The following NBAS variants were observed in gnomAD, a reference collection of about 807,000 sequenced individuals.
The protein encoded by NBAS is NBAS subunit of NRZ tethering complex.
In NBAS, 219 loss-of-function variants were observed where a neutral mutation model predicts 302.5. The observed-to-expected ratio is 0.72, with a 90% CI of 0.65 to 0.81. NBAS has a LOEUF of 0.81. NBAS is among the 30% of genes least tolerant of loss of function. NBAS has a pLI of 0.00. For missense variants in NBAS, 2,932 were observed against 2,841.6 expected, an observed-to-expected ratio of 1.03 and a Z score of -0.72; for synonymous variants, 1,118 against 1,021.6, an observed-to-expected ratio of 1.09 and a Z score of -1.80.
At chr2:15,197,416 C>T (rs1329508342) in intron 48 of NBAS, among the ~76,000 whole-genome samples, 1 of 152,180 alleles carries the variant, frequency 6.6e-6, no homozygotes, top group Non-Finnish European at 1.5e-5. Flanking sequence ...GTAATTTGTG[C>T]TGATGACGTC....
chr2:15,106,451 G>GTCTCTCTCTCCC, the NBAS span, among the ~76,000 whole-genome samples: 1 of 147,858 alleles, frequency 6.8e-6, no homozygotes, highest in African/African-American at 2.5e-5. Context: ...CTCTGTCTCT[G>GTCTCTCTCTCCC]TCTCTCTCTC....
chr2:15,404,676 C>T (rs566676004), intron 25 of NBAS, among the ~76,000 whole-genome samples: 12 of 151,908 alleles, frequency 7.9e-5, no homozygotes, highest in African/African-American at 2.9e-4. Context: ...TCACATCTGG[C>T]TAATTTTTGT....
chr2:15,091,440 C>A, the NBAS span, among the ~76,000 whole-genome samples: 1 of 152,178 alleles, frequency 6.6e-6, no homozygotes, highest in Admixed American at 6.5e-5. Flanking sequence ...TCCACTTCCA[C>A]CTAATGAATG....
intron 48 of NBAS, among the ~76,000 whole-genome samples, chr2:15,196,645 A>G (rs1485950875): frequency 6.6e-6 from 1 of 152,204 alleles, no homozygotes; most frequent in African/African-American, 2.4e-5. Flanking sequence ...ATTTGAGGGG[A>G]AAAATCCCTA....
At chr2:14,918,014 G>A in the NBAS span, among the ~76,000 whole-genome samples, 4 of 152,052 alleles carry the variant, frequency 2.6e-5, no homozygotes, top group African/African-American at 7.2e-5. Flanking sequence ...TTTTTAACTC[G>A]CAGCATCCAA....
intron 36 of NBAS, 55 bp downstream of exon 36, chr2:15,330,542 TA>T: frequency 6.2e-7 from 1 of 1,603,468 alleles, no homozygotes; most frequent in African/African-American, 1.3e-5. Flanking sequence ...GAAACATTGC[TA>T]ATGAATTTAT....
At chr2:15,057,433 A>T in the NBAS span, among the ~76,000 whole-genome samples, 1 of 151,652 alleles carries the variant, frequency 6.6e-6, no homozygotes. Context: ...GGCAATTTTT[A>T]AAAATTTATT....
chr2:15,411,236 G>T (rs1676671858), intron 25 of NBAS, among the ~76,000 whole-genome samples: 1 of 152,028 alleles, frequency 6.6e-6, no homozygotes, highest in Non-Finnish European at 1.5e-5. Flanking sequence ...TCATTTTAAA[G>T]ACTTCACCTT....
chr2:15,524,862 C>G (rs919493240), intron 9 of NBAS, among the ~76,000 whole-genome samples: 6 of 151,890 alleles, frequency 4.0e-5, no homozygotes, highest in Non-Finnish European at 8.8e-5. Context: ...AGCCATTGGC[C>G]TGGCACAGAA....
the NBAS span, among the ~76,000 whole-genome samples, chr2:15,145,401 ATGTG>A: frequency 0.34 from 50,431 of 148,060 alleles, 9,050 homozygotes; most frequent in African/African-American, 0.47. Flanking sequence ...GTTTGTTTGT[ATGTG>A]TGTGTGTGTG....
chr2:15,561,294 G>A lies in NBAS; in HGVS notation c.11C>T (p.Pro4Leu), dbSNP rs1382038955. Residue 4 changes from proline (P) to leucine (L), a missense_variant, in exon 1 of 52, where the codon CCC (proline) becomes CTC (leucine). By Grantham distance (98) the Pro-to-Leu change is moderately conservative. Transcript: ENST00000281513. ...TGGACTCAAAGCCGGCCCTGACTCG[G>A]GGGCCGCCATGTTCGCCGAGGACTC... MAA[P>L]ESGPALSPGT... is the part of the protein sequence containing the mutation. The A allele has an allele frequency of 1.9e-6, 3 of 1,613,026 alleles. No homozygotes were observed. Among genetic ancestry groups the A allele is most frequent in the African/African-American group, 2.7e-5 (2 of 74,914 alleles).
intron 44 of NBAS, among the ~76,000 whole-genome samples, chr2:15,264,091 C>G (rs1328352055): frequency 6.6e-6 from 1 of 152,138 alleles, no homozygotes; most frequent in Non-Finnish European, 1.5e-5. Context: ...AATGGAAGAG[C>G]AAAGGGAGTC....
At chr2:15,198,132 A>G (rs966023015) in intron 48 of NBAS, among the ~76,000 whole-genome samples, 2 of 152,226 alleles carry the variant, frequency 1.3e-5, no homozygotes, top group African/African-American at 4.8e-5. Flanking sequence ...TTGCTCTGCA[A>G]GCATAGTTAA....
intron 51 of NBAS, among the ~76,000 whole-genome samples, chr2:15,175,528 A>T (rs1664495819): frequency 6.6e-6 from 1 of 152,226 alleles, no homozygotes; most frequent in African/African-American, 2.4e-5. Flanking sequence ...TGCGAGTCAA[A>T]CACATCAGCA....
At chr2:15,018,972 T>A in the NBAS span, among the ~76,000 whole-genome samples, 5 of 152,220 alleles carry the variant, frequency 3.3e-5, no homozygotes, top group Admixed American at 3.3e-4. Flanking sequence ...GTGCTGTAAG[T>A]TTGTCCATGA....
intron 44 of NBAS, among the ~76,000 whole-genome samples, chr2:15,266,166 T>G (rs962362340): frequency 1.3e-5 from 2 of 152,162 alleles, no homozygotes; most frequent in African/African-American, 4.8e-5. Flanking sequence ...AAAAGGTGCC[T>G]TCCTCCATGA....
intron 28 of NBAS, among the ~76,000 whole-genome samples, chr2:15,391,041 T>G (rs1341823721): frequency 6.6e-6 from 1 of 150,642 alleles, no homozygotes; most frequent in Non-Finnish European, 1.5e-5. Context: ...ACCCTGGAGG[T>G]GGGGGTTGCA....
intron 7 of NBAS, among the ~76,000 whole-genome samples, chr2:15,537,956 G>A (rs1241524796): frequency 6.6e-6 from 1 of 152,058 alleles, no homozygotes; most frequent in East Asian, 1.9e-4. Context: ...GAACCACACA[G>A]TCAACACTTG....
chr2:15,009,347 T>C, the NBAS span, among the ~76,000 whole-genome samples: 13 of 152,096 alleles, frequency 8.5e-5, no homozygotes, highest in African/African-American at 2.7e-4. Flanking sequence ...ATTTCCTTAA[T>C]GTTGTAAATA....
Sources: allele counts gnomAD v4.1 joint callset (sites outside exome capture counted in the v4.1 genomes callset), GRCh38; gene constraint gnomAD v4.1.1; transcripts MANE v1.5; gene names NCBI Gene and HGNC (gene_info 2026-07-23, HGNC 2026-07-21).